NECAB1: variants seen among roughly 807,000 people sequenced by gnomAD.
NECAB1 encodes N-terminal EF-hand calcium binding protein 1, also known as N-terminal EF-hand calcium-binding protein 1.
A neutral mutation model predicts 57.5 loss-of-function variants in NECAB1; 29 were observed. The observed-to-expected ratio is 0.50, with a 90% CI of 0.38 to 0.69. NECAB1 has a LOEUF of 0.69. NECAB1 is among the 30% of genes least tolerant of loss of function. The pLI is 0.00. For synonymous variants in NECAB1, 142 were observed against 147.7 expected (o/e 0.96, Z 0.28); for missense variants, 372 against 413.8 (o/e 0.90, Z 0.88).
chr8:90,925,855 T>C (rs1810253560), intron 7 of NECAB1, among the ~76,000 whole-genome samples, 199 bp downstream of exon 7: 1 of 152,138 alleles, frequency 6.6e-6, no homozygotes, highest in South Asian at 2.1e-4. Context: ...GTCAGAATCC[T>C]AGCAGTTGTG....
rs765658477 is a variant in NECAB1 at position 90,925,051 on chromosome 8, G to A, written c.495-484G>A. The stretch of plus-strand genomic sequence containing the variant: ...AAGTAAACACCTGCTAAAAAGTGTT[G>A]CCTTTTTGAAAGAGGAGTGGGAATA... On this transcript the variant is annotated intron_variant, in intron 6 of 12. Coordinates refer to ENST00000417640, the MANE Select transcript of NECAB1 (RefSeq NM_022351.5). Among the ~76,000 whole-genome samples the A allele has an allele frequency of 4.6e-4, 70 of 151,896 alleles. 1 individual carries two copies. Among genetic ancestry groups the A allele is most frequent in the Admixed American group, 3.9e-4 (6 of 15,226 alleles).
chr8:90,918,541 T>A (rs1810031511), intron 6 of NECAB1, among the ~76,000 whole-genome samples: 1 of 152,068 alleles, frequency 6.6e-6, no homozygotes. Flanking sequence ...AGATTAAATA[T>A]GGATAGAGGG....
intron 6 of NECAB1, among the ~76,000 whole-genome samples, chr8:90,918,310 C>T (rs1810027465): frequency 6.6e-6 from 1 of 151,772 alleles, no homozygotes; most frequent in South Asian, 2.1e-4. Context: ...CTGAGCCCAG[C>T]TGAGTCAACA....
intron 3 of NECAB1, among the ~76,000 whole-genome samples, chr8:90,863,272 C>T (rs192275909): frequency 5.9e-4 from 90 of 152,172 alleles, no homozygotes; most frequent in Middle Eastern, 3.4e-3. Flanking sequence ...CCACAACATT[C>T]GGTTTTAGAA....
intron 5 of NECAB1, among the ~76,000 whole-genome samples, chr8:90,899,118 C>T (rs1246257161): frequency 1.3e-5 from 2 of 152,150 alleles, no homozygotes; most frequent in Non-Finnish European, 2.9e-5. Flanking sequence ...AGTGGGACGC[C>T]CGAGGGCAAA....
At chr8:90,896,560 G>C (rs1809340917) in intron 5 of NECAB1, among the ~76,000 whole-genome samples, 1 of 151,842 alleles carries the variant, frequency 6.6e-6, no homozygotes, top group Non-Finnish European at 1.5e-5. Flanking sequence ...AACCGAGATC[G>C]TGCCACTGCA....
At position 90,844,678 on chromosome 8, in the gene NECAB1, C is replaced by T. The variant is rs771342672; in HGVS notation, c.233+19853C>T. ...AAAACAGCATAGATAACACCTGCTC[C>T]GGATTCACCTGAATCTAAGCTCTCT... On this transcript the variant is annotated intron_variant, in intron 3 of 12. Coordinates refer to ENST00000417640, the MANE Select transcript of NECAB1 (RefSeq NM_022351.5). 1.1e-4 allele frequency among the ~76,000 whole-genome samples: 16 copies of T among 152,278 alleles called. No homozygotes were observed. In the South Asian group the frequency reaches 1.7e-3, roughly 16 times the overall value.
At chr8:90,819,889 T>A (rs1050410553) in intron 2 of NECAB1, among the ~76,000 whole-genome samples, 18 of 151,872 alleles carry the variant, frequency 1.2e-4, no homozygotes, top group Admixed American at 1.1e-3. Context: ...TATTTCTTGA[T>A]AACTCTTCCC....
intron 5 of NECAB1, among the ~76,000 whole-genome samples, chr8:90,886,134 T>C (rs1425282044): frequency 6.6e-6 from 1 of 152,280 alleles, no homozygotes; most frequent in East Asian, 1.9e-4. Flanking sequence ...TACATACCCA[T>C]GTCAAACAAT....
intron 4 of NECAB1, among the ~76,000 whole-genome samples, chr8:90,877,635 C>A (rs1210320985): frequency 6.6e-6 from 1 of 152,158 alleles, no homozygotes; most frequent in African/African-American, 2.4e-5. Flanking sequence ...CTAACAAGCT[C>A]CTAGGTGAAA....
intron 2 of NECAB1, chr8:90,813,203 TTAAA>T (rs892094616): frequency 3.1e-5 from 4 of 127,196 alleles, no homozygotes; most frequent in Non-Finnish European, 4.9e-5. Context: ...AATAAATAAA[TTAAA>T]TAAATAAATA....
chr8:90,814,691 C>A (rs1394525306), intron 2 of NECAB1, among the ~76,000 whole-genome samples: 3 of 152,024 alleles, frequency 2.0e-5, no homozygotes, highest in African/African-American at 4.8e-5. Flanking sequence ...CTTTGACATA[C>A]CCTCATAATT....
At chr8:90,820,208 T>G (rs867564875) in intron 2 of NECAB1, among the ~76,000 whole-genome samples, 2 of 151,928 alleles carry the variant, frequency 1.3e-5, no homozygotes, top group African/African-American at 4.8e-5. Flanking sequence ...AGTTGTCCAA[T>G]GAATCGAAGA....
At chr8:90,826,174 A>T (rs576983702) in intron 3 of NECAB1, among the ~76,000 whole-genome samples, 1 of 152,012 alleles carries the variant, frequency 6.6e-6, no homozygotes, top group South Asian at 2.1e-4. Flanking sequence ...TCCTGGAAGA[A>T]GAAGGTGAAG....
At chr8:90,814,230 T>C (rs749926738) in intron 2 of NECAB1, among the ~76,000 whole-genome samples, 2 of 152,234 alleles carry the variant, frequency 1.3e-5, no homozygotes, top group South Asian at 2.1e-4. Context: ...ACTGGAATTA[T>C]GTGTTTCGGA....
chr8:90,833,961 G>A (rs1215337369), intron 3 of NECAB1, among the ~76,000 whole-genome samples: 1 of 151,944 alleles, frequency 6.6e-6, no homozygotes, highest in Non-Finnish European at 1.5e-5. Flanking sequence ...TCAAGAGTTC[G>A]AGACCAGCCT....
intron 2 of NECAB1, among the ~76,000 whole-genome samples, chr8:90,823,107 T>C (rs1427408398): frequency 6.6e-6 from 1 of 151,754 alleles, no homozygotes; most frequent in Non-Finnish European, 1.5e-5. Context: ...AATTAGGAAA[T>C]TGATGAGCCT....
rs560896582 is a variant in NECAB1 at position 90,832,243 on chromosome 8, T to C, written c.233+7418T>C. Among the ~76,000 whole-genome samples the C allele has an allele frequency of 3.3e-4, 50 of 152,270 alleles. 1 individual carries two copies. In the South Asian group the frequency reaches 0.01, roughly 31 times the overall value. ...CAAAGTGGTTTTAAAAACTCTTCTT[T>C]CCTAGGAAGGCATTTCACTGGCATC... is the stretch of plus-strand genomic sequence containing the variant. On this transcript the variant is annotated intron_variant, in intron 3 of 12. Coordinates refer to ENST00000417640, the MANE Select transcript of NECAB1 (RefSeq NM_022351.5).
chr8:90,812,301 A>G (rs931810668), intron 2 of NECAB1, among the ~76,000 whole-genome samples: 5 of 152,224 alleles, frequency 3.3e-5, no homozygotes, highest in African/African-American at 1.2e-4. Flanking sequence ...ATCCGCTACA[A>G]ACTAAATATT....
Sources: allele counts gnomAD v4.1 joint callset (sites outside exome capture counted in the v4.1 genomes callset), GRCh38; gene constraint gnomAD v4.1.1; transcripts MANE v1.5; gene names NCBI Gene and HGNC (gene_info 2026-07-23, HGNC 2026-07-21).